Variants in NPAS2 observed in about 807,000 individuals in gnomAD.
The protein encoded by NPAS2 is neuronal PAS domain protein 2, also known as neuronal PAS domain-containing protein 2.
In NPAS2, 23 loss-of-function variants were observed where a neutral mutation model predicts 107.5. That is an observed-to-expected ratio of 0.21 (90% CI 0.15 to 0.30). NPAS2 has a LOEUF of 0.30. Ranked by LOEUF, NPAS2 falls within the 10% of genes least tolerant of loss-of-function variation. The pLI, the probability that NPAS2 is intolerant of heterozygous loss-of-function variation, is 1.00. For missense variants in NPAS2, 756 were observed against 1,043.3 expected, an observed-to-expected ratio of 0.72 and a Z score of 3.79; for synonymous variants, 403 against 417.5, an observed-to-expected ratio of 0.97 and a Z score of 0.42.
chr2:100,982,536 G>A, intron 16 of NPAS2, 159 bp downstream of exon 16: 1 of 824,076 alleles, frequency 1.2e-6, no homozygotes, highest in Non-Finnish European at 1.9e-6. Flanking sequence ...CAAAGGACAA[G>A]GAACAAATCC....
In NPAS2 at chr2:100,990,248, T is replaced by C; in HGVS notation, c.1828-8T>C. 6.2e-7 allele frequency: 1 copy of C among 1,613,088 alleles called. No homozygotes were observed. Among genetic ancestry groups the C allele is most frequent in the Non-Finnish European group, 8.5e-7 (1 of 1,179,184 alleles). On this transcript the variant is annotated splice_polypyrimidine_tract_variant and splice_region_variant and intron_variant, in intron 17 of 20. Transcript: ENST00000335681. ...AGTCTTACCTTTCTCATTGAAATGA[T>C]GCTCCAGGGTCCAAAGCCAATGAGA...
In NPAS2 at chr2:100,968,562, G is replaced by GC; in HGVS notation, c.1055+136dup. 1 of 790,378 alleles carries GC rather than the reference G, an allele frequency of 1.3e-6. No homozygotes were observed. 49.0% of individuals were successfully genotyped at this position (790,378 alleles called of 1,614,324 possible). On this transcript the variant is annotated intron_variant, in intron 11 of 20. Coordinates refer to ENST00000335681, the MANE Select transcript of NPAS2 (RefSeq NM_002518.4). This position sits in a 1 kb window ranked among gnomAD's most constrained non-coding sequence, Gnocchi z 5.3. ...TCCCCATTTCGAAGATGAAGCCCAG[G>GC]CCATCCCCTGCCGTTAACAGCACAA...
At chr2:100,856,010 A>T (rs1286891142) in intron 1 of NPAS2, among the ~76,000 whole-genome samples, 2 of 152,142 alleles carry the variant, frequency 1.3e-5, no homozygotes, top group African/African-American at 4.8e-5. Flanking sequence ...CCCTCCAAAC[A>T]CATTCTACTT....
At chr2:100,935,506 G>A (rs1684247279) in intron 4 of NPAS2, among the ~76,000 whole-genome samples, 1 of 152,130 alleles carries the variant, frequency 6.6e-6, no homozygotes, top group Non-Finnish European at 1.5e-5. Context: ...CAGAACCACA[G>A]CCAGCTTTCT....
chr2:100,959,089 C>CAAA lies in NPAS2; in HGVS notation c.599-4951_599-4949dup, dbSNP rs758460503. On this transcript the variant is annotated intron_variant, in intron 7 of 20. Transcript: ENST00000335681. ...GCAACATGGTGAAACCCCATCTCTT[C>CAAA]AAAAAAAAAAAAAAAAAAAACAAAA... 4.7e-3 allele frequency among the ~76,000 whole-genome samples: 221 copies of CAAA among 47,514 alleles called. 5 individuals are homozygous for CAAA. The highest frequency in any genetic ancestry group is 0.031 in the East Asian group (63 of 2,056). The allele number at this position is 47,514 out of a possible 152,430, so 31.2% of individuals were successfully genotyped here.
chr2:100,949,894 C>G (rs1263280753), intron 7 of NPAS2, among the ~76,000 whole-genome samples: 1 of 152,186 alleles, frequency 6.6e-6, no homozygotes, highest in African/African-American at 2.4e-5. Context: ...TTTTAGTAGA[C>G]CTGGTCCGTA....
At chr2:100,964,976 C>T (rs776866681) in intron 9 of NPAS2, 33 bp downstream of exon 9, 13 of 1,446,586 alleles carry the variant, frequency 9.0e-6, no homozygotes, top group Non-Finnish European at 9.4e-7. Flanking sequence ...TTGGGTTGGG[C>T]CCTTCTCAAG....
chr2:100,884,526 T>C (rs1680575271), intron 1 of NPAS2, among the ~76,000 whole-genome samples: 2 of 152,214 alleles, frequency 1.3e-5, no homozygotes. Flanking sequence ...TGTGATGCCA[T>C]GTGACATACA....
chr2:100,847,971 T>G (rs1359547734), intron 1 of NPAS2, among the ~76,000 whole-genome samples: 1 of 152,138 alleles, frequency 6.6e-6, no homozygotes, highest in East Asian at 1.9e-4. Flanking sequence ...ATATATGTCT[T>G]TCTGTGTTTA....
In NPAS2 at chr2:100,974,903, G is replaced by T; in HGVS notation, c.1241G>T (p.Ser414Ile). The T allele has an allele frequency of 6.2e-7, 1 of 1,614,034 alleles. No homozygotes were observed. ...CATTCGCCATCGGCGTCCTCAAGAAGTTCCCACAAATCCTCGCACACAGCC... is the reference window on the plus strand; with the variant it reads ...CATTCGCCATCGGCGTCCTCAAGAATTTCCCACAAATCCTCGCACACAGCC... ...TSHSPSASSR[S>I]SHKSSHTAMS... The change falls in exon 13 of 21, where the codon AGT becomes ATT. Residue 414 changes from serine (S) to isoleucine (I), a missense_variant. Ser to Ile is a moderately radical substitution (Grantham distance 142, BLOSUM62 -2). This residue lies in a region of NPAS2 where 496 missense variants were observed against 594.4 expected (regional missense o/e 0.83). Transcript: ENST00000335681.
chr2:100,846,984 G>A (rs1677815670), intron 1 of NPAS2: 1 of 151,590 alleles, frequency 6.6e-6, no homozygotes, highest in Admixed American at 6.6e-5. Flanking sequence ...TTTCTCTCTT[G>A]TGTCTCCCCA....
At chr2:100,990,918 G>C (rs975851608) in intron 19 of NPAS2, 46 bp downstream of exon 19, 1 of 1,549,506 alleles carries the variant, frequency 6.5e-7, no homozygotes, top group Non-Finnish European at 8.9e-7. Context: ...CTGGTGGAAT[G>C]GTTCCAGGCT....
chr2:100,827,265 A>T (rs560694147), intron 1 of NPAS2, among the ~76,000 whole-genome samples: 1 of 152,344 alleles, frequency 6.6e-6, no homozygotes, highest in East Asian at 1.9e-4. Flanking sequence ...TGCTTTTAGA[A>T]TCCATCAGAT....
intron 1 of NPAS2, among the ~76,000 whole-genome samples, chr2:100,879,259 G>A (rs10175736): frequency 1.3e-5 from 2 of 152,158 alleles, no homozygotes; most frequent in African/African-American, 2.4e-5. Context: ...GGTTTACAAC[G>A]TATTACGGGA....
At chr2:100,865,287 C>T (rs938366721) in intron 1 of NPAS2, among the ~76,000 whole-genome samples, 9 of 152,054 alleles carry the variant, frequency 5.9e-5, no homozygotes, top group Non-Finnish European at 4.4e-5. Flanking sequence ...GTTGGGAGTC[C>T]GTGGGAGGAA....
intron 1 of NPAS2, among the ~76,000 whole-genome samples, chr2:100,827,696 C>T (rs186958029): frequency 1.0e-3 from 155 of 152,270 alleles, no homozygotes; most frequent in Non-Finnish European, 1.9e-3. Context: ...GCTGCATCCA[C>T]GTTGCTGTAA....
intron 1 of NPAS2, among the ~76,000 whole-genome samples, chr2:100,864,423 C>T (rs2043534): frequency 0.55 from 84,370 of 152,048 alleles, 25,965 homozygotes; most frequent in Non-Finnish European, 0.7. Context: ...AAGCCTCTCC[C>T]GCATTTAATG....
chr2:100,906,250 T>G (rs1682139364), intron 2 of NPAS2, among the ~76,000 whole-genome samples: 1 of 152,308 alleles, frequency 6.6e-6, no homozygotes, highest in African/African-American at 2.4e-5. Flanking sequence ...CAAAATCCAC[T>G]TGGGTTCCAA....
At chr2:100,876,099 T>C (rs1679949869) in intron 1 of NPAS2, among the ~76,000 whole-genome samples, 1 of 152,200 alleles carries the variant, frequency 6.6e-6, no homozygotes, top group Non-Finnish European at 1.5e-5. Flanking sequence ...TTTGAGTAAA[T>C]GAGAGCAGGC....
Sources: gnomAD v4.1 joint callset for allele counts (sites outside exome capture counted in the v4.1 genomes callset) on GRCh38, gnomAD v4.1.1 for gene constraint, gnomAD v4.1.1 regional missense constraint, Gnocchi (gnomAD v3.1) non-coding constraint, MANE v1.5 for transcripts, NCBI Gene and HGNC (gene_info 2026-07-23, HGNC 2026-07-21) for gene names.